TMPRSS9: variants seen among roughly 807,000 people sequenced by gnomAD.
TMPRSS9 encodes the protein transmembrane serine protease 9, also known as transmembrane protease serine 9.
Under a neutral mutation model 111.4 loss-of-function variants are expected in TMPRSS9, and 113 were observed. The observed-to-expected ratio is 1.01, with a 90% CI of 0.87 to 1.19. The LOEUF (loss-of-function observed/expected upper bound fraction) is 1.19, where lower values mean the gene tolerates loss of function less well. Among genes scored for constraint, TMPRSS9 ranks in the 50% most tolerant of loss-of-function variants. TMPRSS9 has a pLI of 0.00. For synonymous variants in TMPRSS9, 805 were observed against 659.1 expected (o/e 1.22, Z -3.39); for missense variants, 1,803 against 1,513.1 (o/e 1.19, Z -3.18).
At chr19:2,406,636 A>C (rs1970976160) in intron 7 of TMPRSS9, among the ~76,000 whole-genome samples, 1 of 149,926 alleles carries the variant, frequency 6.7e-6, no homozygotes, top group Non-Finnish European at 1.5e-5. Context: ...TGCCTGGCCC[A>C]CTTGCTGTTC....
At chr19:2,394,327 C>T (rs1970663683) in intron 1 of TMPRSS9, among the ~76,000 whole-genome samples, 1 of 152,038 alleles carries the variant, frequency 6.6e-6, no homozygotes. Flanking sequence ...GTCGAGGCTG[C>T]AGTGAGCAGT....
rs542319680 is a variant in TMPRSS9, at chr19:2,424,810, G to T, written c.2718-192G>T. ...CTTTTCAGAGCGCTCATATTAGGTG[G>T]TGACGGCTGCAGTTCCCGGTGCCGC... is the stretch of plus-strand genomic sequence containing the variant. On this transcript the variant is annotated intron_variant, in intron 15 of 17. Transcript: ENST00000648592. 2.0e-5 allele frequency among the ~76,000 whole-genome samples: 3 copies of T among 152,214 alleles called. No homozygotes were observed. The South Asian group carries it at 6.2e-4, about 32-fold the overall frequency.
chr19:2,425,437 A>G (rs1971596196), exon 17 of TMPRSS9: 1 of 1,591,506 alleles, frequency 6.3e-7, no homozygotes, highest in Admixed American at 1.7e-5. Flanking sequence ...CCCAGTGCAG[A>G]TCAGCAGCCG....
chr19:2,397,775 C>T (rs780301769), intron 2 of TMPRSS9, among the ~76,000 whole-genome samples: 4 of 151,508 alleles, frequency 2.6e-5, no homozygotes, highest in African/African-American at 9.7e-5. Context: ...CAAAAATTAG[C>T]GGGGCGTGGT....
intron 1 of TMPRSS9, among the ~76,000 whole-genome samples, 48 bp downstream of exon 1, chr19:2,360,408 C>G (rs952575070): frequency 2.6e-5 from 4 of 152,210 alleles, no homozygotes; most frequent in Non-Finnish European, 4.4e-5. Context: ...GAACAGCCCC[C>G]ACTTCCTCCA....
At chr19:2,408,455 G>C in exon 8 of TMPRSS9, 1 of 1,613,902 alleles carries the variant, frequency 6.2e-7, no homozygotes, top group African/African-American at 1.3e-5. Context: ...AGATCGTCAA[G>C]CACCCCCTGT....
chr19:2,377,281 G>GTATA (rs1970344105), intron 1 of TMPRSS9, among the ~76,000 whole-genome samples: 2 of 111,424 alleles, frequency 1.8e-5, no homozygotes, highest in Non-Finnish European at 3.4e-5. Context: ...ATGTATGTAT[G>GTATA]TATGTATGTA....
At chr19:2,411,299 CAAAAAAAAAAAA>C (rs771305642) in intron 9 of TMPRSS9, among the ~76,000 whole-genome samples, 258 of 32,292 alleles carry the variant, frequency 8.0e-3, no homozygotes, top group Non-Finnish European at 9.4e-3. Context: ...GACTCTGTCT[CAAAAAAAAAAAA>C]AAAAAAAAAA....
At chr19:2,387,650 T>C (rs894406309), upstream of TMPRSS9, among the ~76,000 whole-genome samples, 2 of 151,796 alleles carry the variant, frequency 1.3e-5, no homozygotes, top group African/African-American at 4.8e-5. Flanking sequence ...GAGGCTGAGG[T>C]GGGAGGATCA....
chr19:2,367,322 G>C (rs996771721), intron 1 of TMPRSS9, among the ~76,000 whole-genome samples: 1 of 152,114 alleles, frequency 6.6e-6, no homozygotes, highest in Non-Finnish European at 1.5e-5. Flanking sequence ...AGTCTCATAG[G>C]AGAAATGTGG....
At chr19:2,424,525 G>A (rs1423639460) in intron 15 of TMPRSS9, among the ~76,000 whole-genome samples, 1 of 143,432 alleles carries the variant, frequency 7.0e-6, no homozygotes, top group Non-Finnish European at 1.5e-5. Context: ...ACCTAACCCG[G>A]AAGCTGCGGC....
intron 15 of TMPRSS9, 32 bp downstream of exon 16, chr19:2,424,289 T>C (rs759483741): frequency 8.3e-6 from 11 of 1,330,056 alleles, no homozygotes; most frequent in Non-Finnish European, 9.7e-6. Flanking sequence ...TGCCCCTACA[T>C]GTCTCTGTAG....
intron 1 of TMPRSS9, among the ~76,000 whole-genome samples, chr19:2,381,591 C>T (rs769341666): frequency 6.6e-6 from 1 of 151,570 alleles, no homozygotes; most frequent in Non-Finnish European, 1.5e-5. Context: ...CCCTGCCTCG[C>T]TCCACGCTGC....
At chr19:2,372,395 T>C (rs1970298711) in intron 1 of TMPRSS9, among the ~76,000 whole-genome samples, 1 of 152,132 alleles carries the variant, frequency 6.6e-6, no homozygotes, top group South Asian at 2.1e-4. Flanking sequence ...TGCCTCTTCT[T>C]GTCAAGGGCT....
chr19:2,425,737 G>A (rs1005714531), intron 17 of TMPRSS9, 190 bp from the exon 19 acceptor site: 5 of 1,137,196 alleles, frequency 4.4e-6, no homozygotes, highest in South Asian at 3.5e-5. Context: ...GGGAGGCACC[G>A]TTCCACTCCG....
At chr19:2,383,533 C>G (rs1970412047) in intron 1 of TMPRSS9, among the ~76,000 whole-genome samples, 1 of 150,514 alleles carries the variant, frequency 6.6e-6, no homozygotes, top group Admixed American at 6.8e-5. Context: ...GGCAGGGTCT[C>G]CCTACATGAT....
At chr19:2,367,651 C>T (rs902167248) in intron 1 of TMPRSS9, among the ~76,000 whole-genome samples, 1 of 151,798 alleles carries the variant, frequency 6.6e-6, no homozygotes, top group African/African-American at 2.4e-5. Context: ...GCAAGTTCTG[C>T]CTCCCGGGTT....
exon 1 of TMPRSS9, chr19:2,389,840 C>G (rs761645519): frequency 6.2e-7 from 1 of 1,614,010 alleles, no homozygotes. Flanking sequence ...CAAGGAAGTC[C>G]CCGCTCTGGA....
At chr19:2,415,225 A>G (rs1244224811) in intron 10 of TMPRSS9, among the ~76,000 whole-genome samples, 7 of 152,046 alleles carry the variant, frequency 4.6e-5, no homozygotes, top group Non-Finnish European at 8.8e-5. Context: ...GATAACAGGC[A>G]TGAGCCACCG....
Sources: allele counts gnomAD v4.1 joint callset (sites outside exome capture counted in the v4.1 genomes callset), GRCh38; gene constraint gnomAD v4.1.1; transcripts MANE v1.5; gene names NCBI Gene and HGNC (gene_info 2026-07-23, HGNC 2026-07-21).